NDUFA10: variants seen among roughly 807,000 people sequenced by gnomAD.
NDUFA10 encodes the protein NADH dehydrogenase [ubiquinone] 1 alpha subcomplex subunit 10, mitochondrial.
Under a neutral mutation model 47.8 loss-of-function variants are expected in NDUFA10, and 40 were observed. The observed-to-expected ratio is 0.84, with a 90% confidence interval of 0.65 to 1.09. The LOEUF is 1.09. Ranked by LOEUF, NDUFA10 falls within the 50% of genes least tolerant of loss-of-function variation. The probability of loss-of-function intolerance (pLI) is 0.00; values close to 1 mark genes in which losing one functional copy is unlikely to be tolerated. For synonymous variants in NDUFA10, 183 were observed against 172.2 expected, an observed-to-expected ratio of 1.06 and a Z score of -0.49; for missense variants, 413 against 451.1, an observed-to-expected ratio of 0.92 and a Z score of 0.76.
At chr2:239,999,738 C>G (rs1438935844) in intron 8 of NDUFA10, among the ~76,000 whole-genome samples, 1 of 152,242 alleles carries the variant, frequency 6.6e-6, no homozygotes, top group African/African-American at 2.4e-5. Context: ...GCAGCTAAAG[C>G]TGAATTTTGG....
intron 4 of NDUFA10, among the ~76,000 whole-genome samples, chr2:239,902,738 A>C (rs544784688): frequency 6.6e-6 from 1 of 152,240 alleles, no homozygotes; most frequent in East Asian, 1.9e-4. Flanking sequence ...GACCTTAGGC[A>C]AAGGTAATTT....
intron 4 of NDUFA10, among the ~76,000 whole-genome samples, chr2:239,904,664 C>A (rs1693614881): frequency 6.6e-6 from 1 of 152,240 alleles, no homozygotes; most frequent in Non-Finnish European, 1.5e-5. Context: ...TGCCCTCAGA[C>A]CTGAGAGCCA....
At chr2:239,997,291 T>C (rs1208330254) in intron 8 of NDUFA10, among the ~76,000 whole-genome samples, 1 of 151,938 alleles carries the variant, frequency 6.6e-6, no homozygotes, top group Non-Finnish European at 1.5e-5. Flanking sequence ...ACTGGATAAA[T>C]CATCAAAACA....
chr2:239,970,048 C>G (rs1695247730), intron 9 of NDUFA10, among the ~76,000 whole-genome samples: 1 of 152,186 alleles, frequency 6.6e-6, no homozygotes, highest in South Asian at 2.1e-4. Context: ...ACTCAATAAA[C>G]CCCAGGCAGG....
rs148650351 is a variant in NDUFA10 at position 239,937,504 on chromosome 2, G to A, written c.295-42190C>T. 2.2e-3 allele frequency among the ~76,000 whole-genome samples: 328 copies of A among 152,246 alleles called. 1 individual carries two copies. Among genetic ancestry groups the A allele is most frequent in the African/African-American group, 7.4e-3 (307 of 41,550 alleles). On this transcript the variant is annotated intron_variant, in intron 4 of 5. Transcript: ENST00000419408. Reference sequence around the variant, plus strand: ...GTGGCTGTTGTCAAGGTTCATGTACGCGGTGGCCTCGATCCCAGCTTCATT... The same window carrying A: ...GTGGCTGTTGTCAAGGTTCATGTACACGGTGGCCTCGATCCCAGCTTCATT...
At chr2:239,938,979 C>T (rs1266456952) in intron 4 of NDUFA10, among the ~76,000 whole-genome samples, 1 of 152,118 alleles carries the variant, frequency 6.6e-6, no homozygotes, top group East Asian at 1.9e-4. Flanking sequence ...CCTCACGAGG[C>T]CCCGCAATGC....
Position 239,899,706 on chromosome 2 carries a change from A to G in NDUFA10, c.295-4392T>C, listed in dbSNP as rs981121775. ...CCACCCTGCACATCCCTGAGGGTAG[A>G]GAAGCTCCTGGGCCTCAATGCAACA... is the stretch of plus-strand genomic sequence containing the variant. On this transcript the variant is annotated intron_variant, in intron 4 of 5. Coordinates refer to the NDUFA10 transcript ENST00000419408. Among the ~76,000 whole-genome samples, 4 of 152,096 alleles carry G rather than the reference A, an allele frequency of 2.6e-5. 1 individual carries two copies. The highest frequency in any genetic ancestry group is 2.6e-4 in the Admixed American group (4 of 15,266).
At chr2:239,969,122 A>G (rs1559332737) in intron 9 of NDUFA10, among the ~76,000 whole-genome samples, 1 of 152,394 alleles carries the variant, frequency 6.6e-6, no homozygotes, top group East Asian at 1.9e-4. Context: ...CTCTCGGCGT[A>G]TGAAACAGGA....
intron 4 of NDUFA10, among the ~76,000 whole-genome samples, chr2:239,915,659 G>A (rs1211824974): frequency 6.9e-6 from 1 of 143,908 alleles, no homozygotes; most frequent in Non-Finnish European, 1.5e-5. Context: ...GACACACAGA[G>A]ATGCACACAC....
chr2:239,944,345 A>T (rs114345682), intron 4 of NDUFA10, among the ~76,000 whole-genome samples: 3,959 of 152,232 alleles, frequency 0.026, 88 homozygotes, highest in East Asian at 0.086. Context: ...GGCGTCCCCC[A>T]TGCTGAGTGT....
At chr2:239,917,033 A>G (rs1574777273) in intron 4 of NDUFA10, among the ~76,000 whole-genome samples, 1 of 152,186 alleles carries the variant, frequency 6.6e-6, no homozygotes. Context: ...AGAGACACAC[A>G]CACCTGTCAC....
At chr2:239,930,212 C>T (rs1003046925) in intron 4 of NDUFA10, among the ~76,000 whole-genome samples, 3 of 151,738 alleles carry the variant, frequency 2.0e-5, no homozygotes, top group Non-Finnish European at 4.4e-5. Flanking sequence ...CTCCACTGCC[C>T]CTGCTCCTCA....
intron 4 of NDUFA10, among the ~76,000 whole-genome samples, chr2:239,922,467 C>T (rs1336133347): frequency 1.3e-5 from 2 of 152,204 alleles, no homozygotes; most frequent in Non-Finnish European, 2.9e-5. Flanking sequence ...ATGACAGGTA[C>T]ACAGAGACAG....
intron 4 of NDUFA10, among the ~76,000 whole-genome samples, chr2:239,952,112 A>G (rs1694564806): frequency 6.6e-6 from 1 of 152,120 alleles, no homozygotes; most frequent in Non-Finnish European, 1.5e-5. Context: ...CCAGCAACAC[A>G]TGTGCCACAC....
chr2:239,896,997 T>C (rs1693411609), intron 4 of NDUFA10, among the ~76,000 whole-genome samples: 1 of 152,362 alleles, frequency 6.6e-6, no homozygotes, highest in Non-Finnish European at 1.5e-5. Context: ...TTATTATGTA[T>C]TCCTTAAACA....
intron 4 of NDUFA10, among the ~76,000 whole-genome samples, chr2:239,897,316 G>A (rs1055781300): frequency 6.6e-6 from 1 of 152,002 alleles, no homozygotes; most frequent in Non-Finnish European, 1.5e-5. Context: ...ATTTTTATTA[G>A]AAATTCTATC....
intron 4 of NDUFA10, among the ~76,000 whole-genome samples, chr2:239,910,245 A>G (rs1394701956): frequency 2.0e-5 from 3 of 152,244 alleles, no homozygotes; most frequent in Non-Finnish European, 4.4e-5. Context: ...AAATCATTCT[A>G]TTATAAAGAC....
intron 8 of NDUFA10, among the ~76,000 whole-genome samples, chr2:240,004,767 G>C (rs996038958): frequency 6.6e-6 from 1 of 152,056 alleles, no homozygotes; most frequent in Non-Finnish European, 1.5e-5. Context: ...ACGGCCCACA[G>C]GACCCAATCC....
rs1172032462 is a variant in NDUFA10, at chr2:240,022,216, C to T, written c.200G>A (p.Cys67Tyr). The T allele has an allele frequency of 5.0e-6, 8 of 1,614,102 alleles. No homozygotes were observed. The highest frequency in any genetic ancestry group is 2.2e-5 in the East Asian group (1 of 44,866). Residue 67 changes from cysteine (C) to tyrosine (Y), a missense_variant, in exon 2 of 10, where the codon TGT becomes TAT. Transcript: ENST00000252711. Reference sequence around the variant, plus strand: ...TTTTGCAAGTTTGCCTTTTCCAGTACATATATTGCCATCTACAGTTATCAC... The same window carrying T: ...TTTTGCAAGTTTGCCTTTTCCAGTATATATATTGCCATCTACAGTTATCAC... ...SRVITVDGNI[C>Y]TGKGKLAKEI... is the part of the protein sequence containing the mutation.
Sources: allele counts gnomAD v4.1 joint callset (sites outside exome capture counted in the v4.1 genomes callset), GRCh38; gene constraint gnomAD v4.1.1; transcripts MANE v1.5; gene names NCBI Gene and HGNC (gene_info 2026-07-23, HGNC 2026-07-21).